Variants in MTCL2 observed in about 807,000 individuals in gnomAD.
MTCL2 encodes microtubule cross-linking factor 2.
chr20:36,856,455 G>A, the MTCL2 span, among the ~76,000 whole-genome samples: 1 of 152,256 alleles, frequency 6.6e-6, no homozygotes, highest in African/African-American at 2.4e-5. Context: ...GGGGAGATAG[G>A]GCCAGCAGGA....
chr20:36,816,832 C>T, the MTCL2 span, among the ~76,000 whole-genome samples: 1 of 152,206 alleles, frequency 6.6e-6, no homozygotes. Flanking sequence ...AAGCCTGGGT[C>T]TCCAACTCTA....
At chr20:36,848,653 A>G in the MTCL2 span, among the ~76,000 whole-genome samples, 136,619 of 152,228 alleles carry the variant, frequency 0.9, 61,828 homozygotes, top group African/African-American at 0.98. Flanking sequence ...ACACGCAAAC[A>G]GGCAGGGGGA....
chr20:36,850,152 G>A, the MTCL2 span, among the ~76,000 whole-genome samples: 1 of 152,034 alleles, frequency 6.6e-6, no homozygotes, highest in African/African-American at 2.4e-5. Context: ...GCTCAGGGGC[G>A]GGGAGCTGGA....
chr20:36,803,195 G>C, the MTCL2 span: 1 of 1,476,944 alleles, frequency 6.8e-7, no homozygotes, highest in East Asian at 2.5e-5. Flanking sequence ...TGCCAGCGGG[G>C]AAAAGGGGAG....
chr20:36,816,395 T>C, the MTCL2 span: 1 of 1,162,206 alleles, frequency 8.6e-7, no homozygotes. Flanking sequence ...CACTATGTGC[T>C]GGGAACACAG....
the MTCL2 span, among the ~76,000 whole-genome samples, chr20:36,833,011 G>A: frequency 2.0e-5 from 3 of 152,132 alleles, no homozygotes; most frequent in South Asian, 2.1e-4. Flanking sequence ...TGCTCACCAC[G>A]TGCTTTTCAT....
chr20:36,810,717 C>CCTCTCTCTCTCTCCCTCTCTCT, the MTCL2 span, among the ~76,000 whole-genome samples: 2 of 94,194 alleles, frequency 2.1e-5, no homozygotes, highest in East Asian at 3.1e-4. Context: ...TCTCTCTCTC[C>CCTCTCTCTCTCTCCCTCTCTCT]CTCTCTCTCT....
chr20:36,863,536 T>A, the MTCL2 span: 1 of 278,154 alleles, frequency 3.6e-6, no homozygotes, highest in African/African-American at 2.3e-5. This position sits in a 1 kb window ranked among gnomAD's most constrained non-coding sequence, Gnocchi z 6.2. Context: ...GCTCGGAGAG[T>A]GCGGCCCGAC....
chr20:36,803,486 A>G, the MTCL2 span, among the ~76,000 whole-genome samples: 1 of 151,550 alleles, frequency 6.6e-6, no homozygotes, highest in Non-Finnish European at 1.5e-5. Flanking sequence ...AACCCCCATG[A>G]GCTGGTCAGG....
chr20:36,788,555 G>C, the MTCL2 span, among the ~76,000 whole-genome samples: 3 of 150,868 alleles, frequency 2.0e-5, no homozygotes, highest in African/African-American at 7.3e-5. Flanking sequence ...GGAGAATGGC[G>C]TGAACCTGGG....
the MTCL2 span, among the ~76,000 whole-genome samples, chr20:36,809,347 G>A: frequency 6.6e-6 from 1 of 152,154 alleles, no homozygotes; most frequent in East Asian, 1.9e-4. Flanking sequence ...TACAGTAAGG[G>A]CTTAACAAAT....
At chr20:36,792,657 G>T in the MTCL2 span, among the ~76,000 whole-genome samples, 1 of 152,114 alleles carries the variant, frequency 6.6e-6, no homozygotes. Flanking sequence ...GTCTCTGGTG[G>T]GTGGAGCAAA....
the MTCL2 span, among the ~76,000 whole-genome samples, chr20:36,829,469 T>A: frequency 6.7e-6 from 1 of 150,336 alleles, no homozygotes; most frequent in South Asian, 2.1e-4. Flanking sequence ...CCCAGAAAGC[T>A]GGGAAGACCC....
the MTCL2 span, chr20:36,812,668 C>G: frequency 4.4e-6 from 7 of 1,607,726 alleles, no homozygotes; most frequent in Non-Finnish European, 6.0e-6. Flanking sequence ...CACTCTCCTC[C>G]TACCCAATCC....
the MTCL2 span, chr20:36,781,683 A>C: frequency 6.6e-6 from 1 of 151,282 alleles, no homozygotes; most frequent in African/African-American, 2.4e-5. Context: ...CCCTGTCTCT[A>C]AAAATAATAA....
chr20:36,841,876 T>TG, the MTCL2 span, among the ~76,000 whole-genome samples: 2 of 63,388 alleles, frequency 3.2e-5, no homozygotes, highest in Non-Finnish European at 5.8e-5. Flanking sequence ...GGGGGTGGGG[T>TG]GTGTGTGTGT....
chr20:36,860,374 G>A, the MTCL2 span, among the ~76,000 whole-genome samples: 1 of 152,244 alleles, frequency 6.6e-6, no homozygotes, highest in South Asian at 2.1e-4. Context: ...TATGACTATT[G>A]TTTAATTCTG....
At chr20:36,857,740 G>A in the MTCL2 span, among the ~76,000 whole-genome samples, 2 of 152,114 alleles carry the variant, frequency 1.3e-5, no homozygotes, top group Admixed American at 6.5e-5. Context: ...GTGGCCACTG[G>A]GTCCAGACAC....
chr20:36,807,863 G>GTTTTTTTTTT, the MTCL2 span, among the ~76,000 whole-genome samples: 1 of 101,924 alleles, frequency 9.8e-6, no homozygotes, highest in African/African-American at 3.5e-5. Context: ...GAGAAACCCT[G>GTTTTTTTTTT]TCTTTTTTTT....
Sources: gnomAD v4.1 joint callset for allele counts (sites outside exome capture counted in the v4.1 genomes callset) on GRCh38, gnomAD v4.1.1 for gene constraint, Gnocchi (gnomAD v3.1) non-coding constraint, MANE v1.5 for transcripts, NCBI Gene and HGNC (gene_info 2026-07-23, HGNC 2026-07-21) for gene names.